DRC5: variants seen among roughly 807,000 people sequenced by gnomAD.
DRC5 encodes the protein T-complex-associated testis-expressed protein 1.
the DRC5 span, chr6:44,279,550 G>A: frequency 6.6e-6 from 1 of 152,118 alleles, no homozygotes; most frequent in Non-Finnish European, 1.5e-5. Flanking sequence ...ATCTACAGTT[G>A]CCTCCCCAGA....
chr6:44,282,300 A>T, the DRC5 span: 1 of 1,614,064 alleles, frequency 6.2e-7, no homozygotes, highest in South Asian at 1.1e-5. Context: ...GTTGAGACGT[A>T]GGTTGAGGGA....
chr6:44,282,338 G>A, the DRC5 span: 17 of 1,614,226 alleles, frequency 1.1e-5, 1 homozygote, highest in Middle Eastern at 1.6e-4. Flanking sequence ...GTGCCAGAGC[G>A]TGAGCCAGGG....
the DRC5 span, among the ~76,000 whole-genome samples, chr6:44,283,399 T>TA: frequency 6.6e-6 from 1 of 152,060 alleles, no homozygotes; most frequent in African/African-American, 2.4e-5. Flanking sequence ...AAGGATGAGA[T>TA]AAAGGAATGA....
the DRC5 span, among the ~76,000 whole-genome samples, chr6:44,283,843 G>A: frequency 3.3e-5 from 5 of 152,060 alleles, no homozygotes; most frequent in Admixed American, 1.3e-4. Context: ...AGAATTCAGG[G>A]GCCTCCTTGC....
the DRC5 span, among the ~76,000 whole-genome samples, chr6:44,296,510 A>C: frequency 6.6e-6 from 1 of 152,218 alleles, no homozygotes; most frequent in East Asian, 1.9e-4. Flanking sequence ...CCCCAGCTAA[A>C]TCTAACCATT....
At chr6:44,282,635 T>A in the DRC5 span, 1 of 1,381,214 alleles carries the variant, frequency 7.2e-7, no homozygotes, top group East Asian at 2.3e-5. Context: ...TTTGGCAAAC[T>A]TGGCTCACCT....
chr6:44,284,047 AC>A, the DRC5 span, among the ~76,000 whole-genome samples: 15 of 152,206 alleles, frequency 9.9e-5, no homozygotes, highest in Admixed American at 7.2e-4. Flanking sequence ...TTCTGAAGGA[AC>A]CCAAAGCTCT....
chr6:44,292,225 A>G, the DRC5 span, among the ~76,000 whole-genome samples: 1 of 152,168 alleles, frequency 6.6e-6, no homozygotes. Context: ...CATCTGGGAC[A>G]TTGCAGCCCA....
the DRC5 span, among the ~76,000 whole-genome samples, chr6:44,296,941 G>GCCATTTCACTTACCACAGCCCCTGGACT: frequency 2.7e-5 from 4 of 150,338 alleles, no homozygotes; most frequent in Non-Finnish European, 4.4e-5. Flanking sequence ...GCCTCGGCCC[G>GCCATTTCACTTACCACAGCCCCTGGACT]TGTGCTTGGA....
the DRC5 span, chr6:44,286,494 G>T: frequency 6.2e-7 from 1 of 1,614,022 alleles, no homozygotes. Context: ...AGGACCTTCT[G>T]CTGGTGTTCC....
At chr6:44,295,234 G>GGTAC in the DRC5 span, among the ~76,000 whole-genome samples, 2 of 152,290 alleles carry the variant, frequency 1.3e-5, no homozygotes, top group Middle Eastern at 3.4e-3. Flanking sequence ...ACCAGGAGTG[G>GGTAC]GTACGTCTTG....
the DRC5 span, chr6:44,282,301 G>A: frequency 1.3e-5 from 21 of 1,614,226 alleles, no homozygotes; most frequent in Admixed American, 1.7e-5. Flanking sequence ...TTGAGACGTA[G>A]GTTGAGGGAA....
chr6:44,294,123 C>T, the DRC5 span, among the ~76,000 whole-genome samples: 4 of 152,026 alleles, frequency 2.6e-5, no homozygotes. Flanking sequence ...GCTGGGATTA[C>T]AGGCATGCAC....
chr6:44,295,316 C>T, the DRC5 span, among the ~76,000 whole-genome samples: 39 of 152,110 alleles, frequency 2.6e-4, no homozygotes, highest in African/African-American at 8.9e-4. Flanking sequence ...AGTGGGGACA[C>T]GTGCAGTGGA....
the DRC5 span, among the ~76,000 whole-genome samples, chr6:44,288,993 C>CAAAAAAAAAAAAAAAGA: frequency 3.0e-5 from 1 of 32,828 alleles, no homozygotes; most frequent in Non-Finnish European, 4.6e-5. Context: ...GACTCTGTCT[C>CAAAAAAAAAAAAAAAGA]AAAAAAAAAA....
chr6:44,287,410 A>T, the DRC5 span: 1 of 995,996 alleles, frequency 1.0e-6, no homozygotes, highest in Non-Finnish European at 1.4e-6. Flanking sequence ...GGAAGTGTTG[A>T]GTGGGTATGA....
chr6:44,279,883 C>T, the DRC5 span: 1 of 288,110 alleles, frequency 3.5e-6, no homozygotes, highest in Non-Finnish European at 6.5e-6. Context: ...CTGGCAGGCA[C>T]AGTCCCTCAG....
At chr6:44,279,865 G>A in the DRC5 span, 59 of 245,566 alleles carry the variant, frequency 2.4e-4, no homozygotes, top group African/African-American at 1.1e-3. Context: ...CAGCCCCAAC[G>A]GGAGAATCTG....
the DRC5 span, among the ~76,000 whole-genome samples, chr6:44,285,774 G>A: frequency 6.6e-6 from 1 of 152,168 alleles, no homozygotes; most frequent in South Asian, 2.1e-4. Flanking sequence ...TGGTGAACTG[G>A]GAGAGCAGCG....
Sources: gnomAD v4.1 joint callset for allele counts (sites outside exome capture counted in the v4.1 genomes callset) on GRCh38, gnomAD v4.1.1 for gene constraint, MANE v1.5 for transcripts, NCBI Gene and HGNC (gene_info 2026-07-23, HGNC 2026-07-21) for gene names.